GMPS: variants seen among roughly 807,000 people sequenced by gnomAD.
The protein encoded by GMPS is GMP synthase [glutamine-hydrolyzing].
Under a neutral mutation model 77.9 loss-of-function variants are expected in GMPS, and 15 were observed. The ratio of observed to expected loss-of-function variants is 0.19; its 90% CI spans 0.13 to 0.30. The LOEUF (loss-of-function observed/expected upper bound fraction) is 0.30. Among genes scored for constraint, GMPS ranks in the 10% least tolerant of loss-of-function variants. The pLI is 1.00. For synonymous variants in GMPS, 224 were observed against 275.9 expected (o/e 0.81, Z 1.86); for missense variants, 590 against 838.8 (o/e 0.70, Z 3.66).
At chr3:155,936,110 C>T (rs1482777224) in intron 14 of GMPS, among the ~76,000 whole-genome samples, 1 of 152,128 alleles carries the variant, frequency 6.6e-6, no homozygotes, top group Non-Finnish European at 1.5e-5. Context: ...TTTCTGTTTA[C>T]AGCACATCAG....
chr3:155,902,232 A>G (rs906722313), intron 3 of GMPS, among the ~76,000 whole-genome samples: 2 of 152,100 alleles, frequency 1.3e-5, no homozygotes, highest in Admixed American at 1.3e-4. Flanking sequence ...GTTTGAATGG[A>G]CTGGAGTAGG....
intron 1 of GMPS, among the ~76,000 whole-genome samples, chr3:155,893,143 T>G (rs62286835): frequency 0.054 from 8,294 of 152,226 alleles, 318 homozygotes; most frequent in East Asian, 0.18. Context: ...TGGGACACTT[T>G]GAGATTGAAA....
intron 13 of GMPS, among the ~76,000 whole-genome samples, chr3:155,934,417 AGTCT>A (rs1161934250): frequency 6.6e-6 from 1 of 152,166 alleles, no homozygotes; most frequent in East Asian, 1.9e-4. Flanking sequence ...AGCATAGTCC[AGTCT>A]GTCTTTGTGT....
rs966154292 is a variant in GMPS, at chr3:155,911,180, G to C, written c.787G>C (p.Glu263Gln). 1 of 1,612,764 alleles carries C rather than the reference G, an allele frequency of 6.2e-7. No homozygotes were observed. Among genetic ancestry groups the C allele is most frequent in the Non-Finnish European group, 8.5e-7 (1 of 1,179,006 alleles). ...TALLNRALNQ[E>Q]QVIAVHIDNG... ...TTTGCTAAATCGTGCTTTGAACCAA[G>C]AACAAGTCATTGCTGTGCACATTGA... The change falls in exon 7 of 16, where the codon GAA becomes CAA. Residue 263 changes from glutamate to glutamine, a missense_variant. Physicochemically the swap from Glu to Gln is conservative, Grantham distance 29. This residue lies in a region of GMPS where 181 missense variants were observed against 186.8 expected (regional missense o/e 0.97). Transcript: ENST00000496455.
intron 1 of GMPS, among the ~76,000 whole-genome samples, chr3:155,881,318 G>A (rs917056940): frequency 1.3e-5 from 2 of 151,728 alleles, no homozygotes; most frequent in African/African-American, 2.4e-5. Flanking sequence ...GATTACAGGC[G>A]TGTGCCACCA....
chr3:155,931,825 G>A lies in GMPS; in HGVS notation c.1621G>A (p.Glu541Lys). 1 of 1,600,936 alleles carries A rather than the reference G, an allele frequency of 6.2e-7. No homozygotes were observed. The highest frequency in any genetic ancestry group is 8.6e-7 in the Non-Finnish European group (1 of 1,168,390). The change falls in exon 13 of 16, where the codon GAA (glutamate) becomes AAA (lysine). Residue 541 changes from glutamate (E) to lysine (K), a missense_variant. Transcript: ENST00000496455. ...CTCCAGTAAAGATGAACCTGACTGG[G>A]AATCACTTATTTTTCTGGCTAGGCT... is the stretch of plus-strand genomic sequence containing the variant. ...GISSKDEPDWESLIFLARLIP... is the reference protein window; with the variant it reads ...GISSKDEPDWKSLIFLARLIP...
intron 13 of GMPS, among the ~76,000 whole-genome samples, chr3:155,933,084 C>T (rs767494634): frequency 1.3e-5 from 2 of 151,974 alleles, no homozygotes; most frequent in East Asian, 1.9e-4. Flanking sequence ...CCCAGCTACT[C>T]GGGAGGCTGA....
chr3:155,905,730 T>G (rs1754864585), intron 4 of GMPS, among the ~76,000 whole-genome samples: 1 of 152,224 alleles, frequency 6.6e-6, no homozygotes, highest in South Asian at 2.1e-4. Flanking sequence ...ATATTGTACT[T>G]ACAGTTACAG....
chr3:155,893,903 A>T (rs1754532744), intron 2 of GMPS, among the ~76,000 whole-genome samples: 1 of 152,244 alleles, frequency 6.6e-6, no homozygotes, highest in Non-Finnish European at 1.5e-5. Flanking sequence ...TTGTACAGTT[A>T]AAAGAACTTA....
In GMPS at chr3:155,897,775, C is replaced by G. The variant is rs148077675; in HGVS notation, c.210-152C>G. ...AATTAAACCACGTAGGATGACAATT[C>G]GCTGTGATATAATTAGAATTTGCTA... On this transcript the variant is annotated intron_variant, in intron 2 of 15. Coordinates refer to ENST00000496455, the MANE Select transcript of GMPS (RefSeq NM_003875.3). 1.1e-4 allele frequency among the ~76,000 whole-genome samples: 17 copies of G among 152,278 alleles called. No individual in the cohort carries two copies. The East Asian group carries it at 1.2e-3, about 10-fold the overall frequency.
chr3:155,879,730 CTTTTTTT>C (rs58045835), intron 1 of GMPS, among the ~76,000 whole-genome samples: 8 of 107,630 alleles, frequency 7.4e-5, no homozygotes, highest in African/African-American at 1.8e-4. Flanking sequence ...CTTTTTTGCC[CTTTTTTT>C]TTTTTTTTTT....
At chr3:155,900,658 C>G (rs1037837194) in intron 3 of GMPS, among the ~76,000 whole-genome samples, 1 of 152,080 alleles carries the variant, frequency 6.6e-6, no homozygotes, top group African/African-American at 2.4e-5. Flanking sequence ...CCAAATTGTT[C>G]TGTCATTCAC....
At chr3:155,911,626 C>A (rs1329321041) in intron 7 of GMPS, among the ~76,000 whole-genome samples, 1 of 151,988 alleles carries the variant, frequency 6.6e-6, no homozygotes, top group Non-Finnish European at 1.5e-5. Context: ...CACCTGAGGT[C>A]AGGAGTTTTG....
At chr3:155,892,332 C>T (rs1446991387) in intron 1 of GMPS, among the ~76,000 whole-genome samples, 1 of 152,006 alleles carries the variant, frequency 6.6e-6, no homozygotes, top group Non-Finnish European at 1.5e-5. Flanking sequence ...ACTTTTAAAG[C>T]GTTTCTTTAT....
intron 12 of GMPS, among the ~76,000 whole-genome samples, chr3:155,925,729 C>T (rs1049946719): frequency 6.6e-6 from 1 of 152,098 alleles, no homozygotes; most frequent in Non-Finnish European, 1.5e-5. Flanking sequence ...GGTTGGCATG[C>T]TTACTTCTGC....
At position 155,940,740 on chromosome 3, in the gene GMPS, GTTT is replaced by G. The variant is rs77440100; in HGVS notation, c.*3064_*3066del. The G allele has an allele frequency of 0.051, 8,982 of 175,374 alleles. 264 individuals carry two copies. Among genetic ancestry groups the G allele is most frequent in the South Asian group, 0.17 (774 of 4,658 alleles). 10.9% of individuals were successfully genotyped at this position (175,374 alleles called of 1,614,324 possible). On this transcript the variant is annotated 3_prime_UTR_variant, in exon 16 of 16. Transcript: ENST00000496455. ...AGACAGAATGGAGAAGCTGGATAGT[GTTT>G]TTTTTTTTTTTTTTTAAGGTTCTTT...
Position 155,911,258 on chromosome 3 carries a change from A to G in GMPS, c.865A>G (p.Lys289Glu). The G allele has an allele frequency of 6.2e-7, 1 of 1,608,806 alleles. No homozygotes were observed. The highest frequency in any genetic ancestry group is 8.5e-7 in the Non-Finnish European group (1 of 1,178,134). The stretch of plus-strand genomic sequence containing the variant: ...CCAGTCTGTTGAAGAGGCCCTCAAA[A>G]AGCTTGGAATTCAGGTCAAAGGTAT... ...ESQSVEEALK[K>E]LGIQVKVINA... The change falls in exon 7 of 16, where the codon AAG (lysine) becomes GAG (glutamate). Residue 289 changes from lysine (K) to glutamate (E), a missense_variant. Lys to Glu is a moderately conservative substitution (Grantham distance 56). Coordinates refer to ENST00000496455, the MANE Select transcript of GMPS (RefSeq NM_003875.3).
intron 13 of GMPS, among the ~76,000 whole-genome samples, chr3:155,932,162 C>T (rs1755639769): frequency 6.6e-6 from 1 of 151,968 alleles, no homozygotes; most frequent in African/African-American, 2.4e-5. Flanking sequence ...TTAAAGGCAG[C>T]TGTAAAACAT....
intron 1 of GMPS, among the ~76,000 whole-genome samples, chr3:155,878,569 T>C (rs1234645197): frequency 1.3e-5 from 2 of 152,226 alleles, no homozygotes; most frequent in East Asian, 3.8e-4. Context: ...TTTAGTGAAC[T>C]GTCAGACTGT....
Sources: gnomAD v4.1 joint callset for allele counts (sites outside exome capture counted in the v4.1 genomes callset) on GRCh38, gnomAD v4.1.1 for gene constraint, gnomAD v4.1.1 regional missense constraint, MANE v1.5 for transcripts, NCBI Gene and HGNC (gene_info 2026-07-23, HGNC 2026-07-21) for gene names.